The following GPHN variants were observed in gnomAD, a reference collection of about 807,000 sequenced individuals.
GPHN encodes the protein gephyrin.
GPHN carries 17 observed loss-of-function variants against 95.5 expected under a neutral mutation model. The ratio of observed to expected loss-of-function variants is 0.18; its 90% CI spans 0.12 to 0.27. GPHN has a LOEUF of 0.27. GPHN is among the 10% of genes least tolerant of loss of function. The probability of loss-of-function intolerance (pLI) is 1.00; values close to 1 mark genes in which losing one functional copy is unlikely to be tolerated. For missense variants in GPHN, 660 were observed against 978.1 expected (o/e 0.67, Z 4.34); for synonymous variants, 320 against 322.5 (o/e 0.99, Z 0.08).
intron 1 of GPHN, among the ~76,000 whole-genome samples, chr14:66,577,364 A>G (rs1327849596): frequency 1.3e-5 from 2 of 152,210 alleles, no homozygotes; most frequent in Non-Finnish European, 2.9e-5. Context: ...TAACAGAACC[A>G]TAAGAAATTC....
At chr14:66,965,170 A>G (rs776777854) in intron 8 of GPHN, 21 bp from the exon 9 acceptor site, 30 of 1,605,732 alleles carry the variant, frequency 1.9e-5, no homozygotes, top group South Asian at 1.3e-4. Context: ...ATATTAAACC[A>G]TAGTTGTTCC....
At chr14:66,529,118 G>A (rs2058809399) in intron 1 of GPHN, among the ~76,000 whole-genome samples, 1 of 151,930 alleles carries the variant, frequency 6.6e-6, no homozygotes, top group Non-Finnish European at 1.5e-5. Context: ...CGTAGGTTTG[G>A]TCTTTGTTAA....
At chr14:67,289,902 C>G in the GPHN span, among the ~76,000 whole-genome samples, 1 of 151,548 alleles carries the variant, frequency 6.6e-6, no homozygotes, top group African/African-American at 2.4e-5. Context: ...TCTCGAGTAG[C>G]TGGGACTACA....
intron 1 of GPHN, among the ~76,000 whole-genome samples, chr14:66,630,724 G>A (rs2063761769): frequency 6.6e-6 from 1 of 152,014 alleles, no homozygotes; most frequent in African/African-American, 2.4e-5. Context: ...CGCCTGCCTC[G>A]GCCTCCCAAA....
At chr14:67,014,874 CAAAACGA>C (rs1175379075) in intron 9 of GPHN, among the ~76,000 whole-genome samples, 1 of 152,046 alleles carries the variant, frequency 6.6e-6, no homozygotes, top group Non-Finnish European at 1.5e-5. Context: ...AGCACCAAAC[CAAAACGA>C]TTGTTGGTAC....
intron 5 of GPHN, among the ~76,000 whole-genome samples, chr14:66,884,318 G>T (rs944476611): frequency 6.6e-6 from 1 of 152,018 alleles, no homozygotes; most frequent in East Asian, 1.9e-4. Flanking sequence ...TACATTAAAC[G>T]TCATCAGGTA....
Position 67,181,122 on chromosome 14 carries a change from T to C in GPHN, c.*185T>C. The C allele has an allele frequency of 3.0e-6, 2 of 670,584 alleles. No individual in the cohort carries two copies. The highest frequency in any genetic ancestry group is 2.7e-5 in the East Asian group (1 of 36,374). 41.5% of individuals were successfully genotyped at this position (670,584 alleles called of 1,614,324 possible). On this transcript the variant is annotated 3_prime_UTR_variant, in exon 23 of 23. Coordinates refer to ENST00000478722, the MANE Select transcript of GPHN (RefSeq NM_020806.5). ...GAAAAAAACACCTAAAAATAAATCT[T>C]AACAGAAAATTCTGTTCTGATTATA... is the stretch of plus-strand genomic sequence containing the variant.
chr14:66,849,354 T>G (rs1368888680), intron 4 of GPHN, among the ~76,000 whole-genome samples: 11 of 152,054 alleles, frequency 7.2e-5, no homozygotes, highest in Admixed American at 7.2e-4. Flanking sequence ...ACATTCTCTT[T>G]GTATAAATTG....
chr14:67,353,500 G>C, the GPHN span, among the ~76,000 whole-genome samples: 4 of 151,886 alleles, frequency 2.6e-5, no homozygotes, highest in Non-Finnish European at 4.4e-5. Context: ...TGTTGTTGTT[G>C]TTTTTGAGAT....
At chr14:66,778,603 A>G (rs1281442643) in intron 3 of GPHN, among the ~76,000 whole-genome samples, 4 of 152,120 alleles carry the variant, frequency 2.6e-5, no homozygotes, top group Non-Finnish European at 5.9e-5. Flanking sequence ...AAAGATCTCA[A>G]CAAATCACTA....
chr14:67,360,367 C>A, the GPHN span: 7 of 396,776 alleles, frequency 1.8e-5, no homozygotes, highest in South Asian at 9.7e-4. Context: ...TGAGGAGGAT[C>A]GGCGGCCGGT....
rs1486347027 is a variant in GPHN at position 66,590,665 on chromosome 14, G to A, written c.64+82074G>A. 2.6e-5 allele frequency among the ~76,000 whole-genome samples: 4 copies of A among 152,066 alleles called. No individual in the cohort carries two copies. In the East Asian group the frequency reaches 7.7e-4, roughly 29 times the overall value. The stretch of plus-strand genomic sequence containing the variant: ...TCTGAAATTGAGGCAGTAATTAATA[G>A]CCTACCAACCAAAAAATACCCAGGA... On this transcript the variant is annotated intron_variant, in intron 1 of 22. Coordinates refer to ENST00000478722, the MANE Select transcript of GPHN (RefSeq NM_020806.5).
intron 1 of GPHN, among the ~76,000 whole-genome samples, chr14:66,662,708 C>T (rs1473175295): frequency 6.6e-6 from 1 of 152,170 alleles, no homozygotes; most frequent in East Asian, 1.9e-4. Context: ...TAACTCAATG[C>T]AGGAAGCTAC....
At chr14:67,103,511 C>CTT in intron 13 of GPHN, among the ~76,000 whole-genome samples, 3,277 of 53,474 alleles carry the variant, frequency 0.061, 291 homozygotes, top group Non-Finnish European at 0.081. Context: ...GTTTCTTTCT[C>CTT]TTTTTTTTTT....
At chr14:67,650,616 T>TC in the GPHN span, 1 of 1,105,072 alleles carries the variant, frequency 9.0e-7, no homozygotes, top group East Asian at 2.4e-5. Flanking sequence ...AATGGACTCT[T>TC]GTTTTTACTT....
At chr14:67,656,509 A>G in the GPHN span, 5 of 1,614,012 alleles carry the variant, frequency 3.1e-6, no homozygotes, top group Non-Finnish European at 4.2e-6. Flanking sequence ...CAATCCGATG[A>G]GAACGTTCAA....
intron 1 of GPHN, among the ~76,000 whole-genome samples, chr14:66,626,385 T>A (rs1024684143): frequency 6.6e-6 from 1 of 152,164 alleles, no homozygotes; most frequent in African/African-American, 2.4e-5. Context: ...GCATTCACAT[T>A]CATTTAAGTA....
chr14:67,315,268 A>ATTTTTT, the GPHN span, among the ~76,000 whole-genome samples: 3 of 101,590 alleles, frequency 3.0e-5, no homozygotes, highest in Non-Finnish European at 5.6e-5. Context: ...CTTATTTTTA[A>ATTTTTT]TTTTTTTTTT....
chr14:67,303,681 CACTGTTTCCTGT>C, the GPHN span: 7 of 949,230 alleles, frequency 7.4e-6, no homozygotes, highest in South Asian at 8.0e-5. Flanking sequence ...ACAGAAATGT[CACTGTTTCCTGT>C]ACTCAAATAA....
Sources: gnomAD v4.1 joint callset for allele counts (sites outside exome capture counted in the v4.1 genomes callset) on GRCh38, gnomAD v4.1.1 for gene constraint, MANE v1.5 for transcripts, NCBI Gene and HGNC (gene_info 2026-07-23, HGNC 2026-07-21) for gene names.